The following TENM4 variants were observed in gnomAD, a reference collection of about 807,000 sequenced individuals.
The protein encoded by TENM4 is teneurin-4.
A neutral mutation model predicts 243.3 loss-of-function variants in TENM4; 82 were observed. That is an observed-to-expected ratio of 0.34 (90% CI 0.28 to 0.40). The LOEUF (loss-of-function observed/expected upper bound fraction) is 0.40, where lower values mean the gene tolerates loss of function less well. Ranked by LOEUF, TENM4 falls within the 10% of genes least tolerant of loss-of-function variation. The pLI is 1.00. For synonymous variants in TENM4, 1,412 were observed against 1,456.3 expected (o/e 0.97, Z 0.69); for missense variants, 3,138 against 3,673.3 (o/e 0.85, Z 3.77).
chr11:78,935,579 G>T (rs1340475138), intron 6 of TENM4, among the ~76,000 whole-genome samples: 1 of 152,162 alleles, frequency 6.6e-6, no homozygotes, highest in African/African-American at 2.4e-5. Context: ...TTTTGGGTTG[G>T]GTTGGAAATG....
chr11:78,953,511 T>G (rs1441343591), intron 6 of TENM4, among the ~76,000 whole-genome samples: 2 of 152,186 alleles, frequency 1.3e-5, no homozygotes, highest in African/African-American at 4.8e-5. Flanking sequence ...CTTATCCATA[T>G]TTTCTCATTT....
rs148786624 is a variant in TENM4 at position 78,936,723 on chromosome 11, A to C, written c.494-33200T>G. Among the ~76,000 whole-genome samples the C allele has an allele frequency of 3.2e-3, 493 of 152,360 alleles. 3 individuals carry two copies. The highest frequency in any genetic ancestry group is 0.011 in the African/African-American group (467 of 41,592). The stretch of plus-strand genomic sequence containing the variant: ...AGAAACCAGCAGATGTGACAAGATC[A>C]GAGGGTTTAATGAACTAAAATAAAA... On this transcript the variant is annotated intron_variant, in intron 6 of 33. Transcript: ENST00000278550.
At chr11:79,063,127 C>T (rs762238430) in intron 6 of TENM4, among the ~76,000 whole-genome samples, 3 of 152,132 alleles carry the variant, frequency 2.0e-5, no homozygotes, top group Non-Finnish European at 2.9e-5. Context: ...GCAGGATGCA[C>T]CTTTGGAACT....
At chr11:79,256,455 C>T (rs967288906) in intron 2 of TENM4, among the ~76,000 whole-genome samples, 1 of 152,218 alleles carries the variant, frequency 6.6e-6, no homozygotes, top group Admixed American at 6.5e-5. Context: ...TCACCAGGCA[C>T]TGGCAGAACC....
chr11:79,303,623 G>A (rs1378801611), intron 1 of TENM4, among the ~76,000 whole-genome samples: 2 of 152,168 alleles, frequency 1.3e-5, no homozygotes, highest in African/African-American at 4.8e-5. Context: ...TGGGGGTAGT[G>A]AGAGGCTAAC....
chr11:78,801,108 A>T (rs1421401351), intron 15 of TENM4, among the ~76,000 whole-genome samples: 1 of 152,010 alleles, frequency 6.6e-6, no homozygotes, highest in Non-Finnish European at 1.5e-5. Context: ...CAACATGAAC[A>T]CCTCTTTGGA....
At chr11:79,220,590 G>A (rs557543642) in intron 2 of TENM4, among the ~76,000 whole-genome samples, 1 of 152,160 alleles carries the variant, frequency 6.6e-6, no homozygotes, top group African/African-American at 2.4e-5. Context: ...CTTTCTCAGG[G>A]AGGTAGCTTT....
At chr11:79,109,061 C>A (rs1861442249) in intron 4 of TENM4, among the ~76,000 whole-genome samples, 1 of 152,178 alleles carries the variant, frequency 6.6e-6, no homozygotes, top group Admixed American at 6.5e-5. Flanking sequence ...ACTTTGCACA[C>A]ATCTGTGGAT....
chr11:78,913,531 A>G (rs1221473975), intron 6 of TENM4, among the ~76,000 whole-genome samples: 3 of 151,834 alleles, frequency 2.0e-5, no homozygotes, highest in African/African-American at 7.3e-5. Flanking sequence ...ATCCATAAAC[A>G]GTTAGGTCAA....
chr11:79,118,767 C>T (rs1861674406), intron 4 of TENM4, among the ~76,000 whole-genome samples: 1 of 152,088 alleles, frequency 6.6e-6, no homozygotes, highest in African/African-American at 2.4e-5. Flanking sequence ...TACTTCGTTG[C>T]ATATATATAT....
chr11:78,748,317 G>C (rs989903494), intron 19 of TENM4, among the ~76,000 whole-genome samples: 1 of 151,886 alleles, frequency 6.6e-6, no homozygotes, highest in Non-Finnish European at 1.5e-5. Flanking sequence ...ATAGTGTAGA[G>C]GAGGGAAGTG....
chr11:79,053,806 T>C (rs56310879), intron 6 of TENM4, among the ~76,000 whole-genome samples: 1 of 152,224 alleles, frequency 6.6e-6, no homozygotes, highest in East Asian at 1.9e-4. Context: ...TATAAACTCC[T>C]GGAGTCCCTC....
chr11:79,406,611 C>T (rs1361656888), intron 1 of TENM4, among the ~76,000 whole-genome samples: 1 of 152,082 alleles, frequency 6.6e-6, no homozygotes, highest in Non-Finnish European at 1.5e-5. Context: ...CATTTGGTCC[C>T]AGTCCCCCGT....
chr11:78,992,725 T>C (rs776196452), intron 6 of TENM4, among the ~76,000 whole-genome samples: 4 of 152,234 alleles, frequency 2.6e-5, no homozygotes, highest in Non-Finnish European at 4.4e-5. Flanking sequence ...GAAGGTGTTT[T>C]GTCCAGCTTT....
intron 24 of TENM4, among the ~76,000 whole-genome samples, chr11:78,721,258 A>G (rs1296732207): frequency 6.6e-6 from 1 of 152,234 alleles, no homozygotes; most frequent in East Asian, 1.9e-4. Flanking sequence ...AAGGGCAGAG[A>G]ATATTCCCCT....
At chr11:79,091,858 C>A (rs192478348) in intron 4 of TENM4, among the ~76,000 whole-genome samples, 1 of 152,178 alleles carries the variant, frequency 6.6e-6, no homozygotes. Flanking sequence ...AACCTTTGTA[C>A]GCATGCTGCC....
At chr11:78,801,426 T>A (rs1313343044) in intron 15 of TENM4, among the ~76,000 whole-genome samples, 1 of 152,162 alleles carries the variant, frequency 6.6e-6, no homozygotes, top group African/African-American at 2.4e-5. Flanking sequence ...GAAGACCACA[T>A]GCATGAGGCT....
At chr11:79,176,582 C>T (rs957362956) in intron 3 of TENM4, among the ~76,000 whole-genome samples, 10 of 152,200 alleles carry the variant, frequency 6.6e-5, no homozygotes, top group Admixed American at 2.6e-4. Context: ...CTCAATAGTA[C>T]TTTTAATTAC....
intron 16 of TENM4, among the ~76,000 whole-genome samples, chr11:78,780,373 A>G (rs911799370): frequency 1.3e-5 from 2 of 152,244 alleles, no homozygotes; most frequent in African/African-American, 4.8e-5. Context: ...AATACATAGA[A>G]TCACCTGGCT....
Sources: allele counts gnomAD v4.1 joint callset (sites outside exome capture counted in the v4.1 genomes callset), GRCh38; gene constraint gnomAD v4.1.1; transcripts MANE v1.5; gene names NCBI Gene and HGNC (gene_info 2026-07-23, HGNC 2026-07-21).